Variants in NMT2 observed in about 807,000 individuals in gnomAD.
The protein encoded by NMT2 is N-myristoyltransferase 2.
Under a neutral mutation model 65.4 loss-of-function variants are expected in NMT2, and 35 were observed. The observed-to-expected ratio is 0.54, with a 90% CI of 0.41 to 0.71. The LOEUF is 0.71. Ranked by LOEUF, NMT2 falls within the 30% of genes least tolerant of loss-of-function variation. The pLI is 0.00. For synonymous variants in NMT2, 226 were observed against 231.8 expected (o/e 0.98, Z 0.23); for missense variants, 489 against 611.3 (o/e 0.80, Z 2.11).
Position 15,127,591 on chromosome 10 carries a change from T to TA in NMT2, c.999+758dup, listed in dbSNP as rs1186408841. Among the ~76,000 whole-genome samples, 114 of 103,552 alleles carry TA rather than the reference T, an allele frequency of 1.1e-3. 1 individual carries two copies. In the East Asian group the frequency reaches 0.014, roughly 12 times the overall value. 67.9% of individuals were successfully genotyped at this position (103,552 alleles called of 152,430 possible). ...AAAAATAAATAAATAAATAAATAAA[T>TA]AAATAAAATAAAATAAATAAATAAC... On this transcript the variant is annotated intron_variant, in intron 8 of 11. Transcript: ENST00000378165.
At chr10:15,165,368 G>A (rs752722131) in intron 1 of NMT2, among the ~76,000 whole-genome samples, 5 of 152,094 alleles carry the variant, frequency 3.3e-5, no homozygotes, top group Non-Finnish European at 5.9e-5. Flanking sequence ...ATTGCAAATC[G>A]TGTGTTAAAG....
chr10:15,131,264 G>A (rs947834111), intron 6 of NMT2, among the ~76,000 whole-genome samples: 8 of 149,942 alleles, frequency 5.3e-5, no homozygotes, highest in African/African-American at 1.5e-4. Context: ...TCCATTATAC[G>A]TTTTCAGTTT....
chr10:15,150,778 A>C (rs931119001), intron 1 of NMT2, among the ~76,000 whole-genome samples: 18 of 152,132 alleles, frequency 1.2e-4, no homozygotes, highest in African/African-American at 4.1e-4. Context: ...TAATTTAAAT[A>C]TTTACACGGC....
intron 6 of NMT2, among the ~76,000 whole-genome samples, chr10:15,131,742 G>T (rs76013748): frequency 0.019 from 2,920 of 152,262 alleles, 96 homozygotes; most frequent in African/African-American, 0.067. Context: ...CAAGTAAAGA[G>T]ACCAATTATA....
At chr10:15,120,231 G>A (rs1845881868) in intron 8 of NMT2, among the ~76,000 whole-genome samples, 1 of 152,210 alleles carries the variant, frequency 6.6e-6, no homozygotes, top group Admixed American at 6.5e-5. Context: ...GCTGATGCCG[G>A]TGGATCATTT....
intron 8 of NMT2, among the ~76,000 whole-genome samples, chr10:15,120,114 C>G (rs2131502808): frequency 6.6e-6 from 1 of 152,302 alleles, no homozygotes. Context: ...CAACTACTTA[C>G]ATAGCATTTA....
chr10:15,139,778 C>G (rs2131572700), intron 2 of NMT2: 1 of 148,982 alleles, frequency 6.7e-6, no homozygotes, highest in Non-Finnish European at 1.5e-5. Context: ...TCAAAACTAC[C>G]TGCAAGTCTC....
chr10:15,117,024 T>C (rs11259501), intron 9 of NMT2, among the ~76,000 whole-genome samples: 6,750 of 152,210 alleles, frequency 0.044, 202 homozygotes, highest in East Asian at 0.093. Flanking sequence ...TTCTAGAAAA[T>C]AGAAGAGGAA....
chr10:15,149,188 G>GCCACCATCATCA (rs1344700079), intron 1 of NMT2, among the ~76,000 whole-genome samples: 7 of 141,052 alleles, frequency 5.0e-5, no homozygotes, highest in Admixed American at 1.4e-4. Flanking sequence ...CACCACCACT[G>GCCACCATCATCA]CCACCATCAT....
intron 1 of NMT2, among the ~76,000 whole-genome samples, chr10:15,160,283 GAC>G (rs1264670902): frequency 9.9e-5 from 15 of 152,180 alleles, no homozygotes; most frequent in African/African-American, 3.6e-4. Flanking sequence ...GGTGGTGAGA[GAC>G]ACAGAACTGA....
chr10:15,128,718 T>C (rs894736713), intron 7 of NMT2, among the ~76,000 whole-genome samples: 8 of 152,150 alleles, frequency 5.3e-5, no homozygotes, highest in African/African-American at 1.4e-4. Flanking sequence ...AAGGAAATAT[T>C]AGTTGGCTGG....
At chr10:15,141,118 A>C in intron 2 of NMT2, 1 of 1,208,616 alleles carries the variant, frequency 8.3e-7, no homozygotes, top group Non-Finnish European at 1.2e-6. Context: ...GTGTAATTTC[A>C]AAAAAACCTA....
At chr10:15,109,302 G>A in intron 11 of NMT2, 87 bp from the exon 12 acceptor site, 1 of 1,517,304 alleles carries the variant, frequency 6.6e-7, no homozygotes, top group Non-Finnish European at 8.9e-7. Flanking sequence ...CTGTCTTAAG[G>A]CTCAGCTCAC....
intron 2 of NMT2, among the ~76,000 whole-genome samples, chr10:15,137,889 T>C (rs1234206900): frequency 5.9e-5 from 9 of 152,190 alleles, no homozygotes; most frequent in Non-Finnish European, 1.2e-4. Flanking sequence ...GAGTGATTTA[T>C]TCCCTACCTA....
chr10:15,145,982 A>G (rs1846950703), intron 1 of NMT2, among the ~76,000 whole-genome samples: 1 of 152,198 alleles, frequency 6.6e-6, no homozygotes, highest in Admixed American at 6.5e-5. Flanking sequence ...TGGAAATCCA[A>G]TGAAGAAAGA....
At chr10:15,114,740 T>C (rs6602816) in intron 9 of NMT2, among the ~76,000 whole-genome samples, 27,383 of 152,114 alleles carry the variant, frequency 0.18, 4,074 homozygotes, top group African/African-American at 0.41. Context: ...TGGTGGCTCA[T>C]GCCTGTAATC....
chr10:15,108,682 C>T lies in NMT2; in HGVS notation c.*513G>A. ...TAAACAACCACCACCTGTCACTGAGCTACAGAAGTGTTGATTCCATAAATG... is the reference window on the plus strand; with the variant it reads ...TAAACAACCACCACCTGTCACTGAGTTACAGAAGTGTTGATTCCATAAATG... On this transcript the variant is annotated 3_prime_UTR_variant, in exon 12 of 12. Coordinates refer to ENST00000378165, the MANE Select transcript of NMT2 (RefSeq NM_004808.3). The T allele has an allele frequency of 1.0e-6, 1 of 992,838 alleles. No individual in the cohort carries two copies. The highest frequency in any genetic ancestry group is 1.2e-6 in the Non-Finnish European group (1 of 835,444). The allele number at this position is 992,838 out of a possible 1,614,324, so 61.5% of individuals were successfully genotyped here. A position where few individuals can be genotyped will look rare whatever the true frequency, so the allele number is the denominator to read the frequency against.
At chr10:15,114,774 G>T (rs1845690837) in intron 9 of NMT2, among the ~76,000 whole-genome samples, 1 of 152,206 alleles carries the variant, frequency 6.6e-6, no homozygotes, top group Non-Finnish European at 1.5e-5. Context: ...AGGCCAAAGT[G>T]GGTGGATTTT....
At chr10:15,164,981 C>T (rs764548213) in intron 1 of NMT2, among the ~76,000 whole-genome samples, 2 of 152,186 alleles carry the variant, frequency 1.3e-5, no homozygotes, top group African/African-American at 2.4e-5. Context: ...CTAACCAACA[C>T]GGTAAAATCC....
Sources: allele counts gnomAD v4.1 joint callset (sites outside exome capture counted in the v4.1 genomes callset), GRCh38; gene constraint gnomAD v4.1.1; transcripts MANE v1.5; gene names NCBI Gene and HGNC (gene_info 2026-07-23, HGNC 2026-07-21).